FHL2: variants seen among roughly 807,000 people sequenced by gnomAD.
FHL2 encodes four and a half LIM domains protein 2.
In FHL2, 20 loss-of-function variants were observed where a neutral mutation model predicts 32.7. The ratio of observed to expected loss-of-function variants is 0.61; its 90% CI spans 0.43 to 0.89. The LOEUF (loss-of-function observed/expected upper bound fraction) is 0.89, where lower values mean the gene tolerates loss of function less well. Among genes scored for constraint, FHL2 ranks in the 40% least tolerant of loss-of-function variants. FHL2 has a pLI of 0.00. For synonymous variants in FHL2, 123 were observed against 128.1 expected (o/e 0.96, Z 0.27); for missense variants, 311 against 358.6 (o/e 0.87, Z 1.07).
chr2:105,362,834 TACCCTC>T (rs2104483871), intron 6 of FHL2, among the ~76,000 whole-genome samples: 1 of 152,362 alleles, frequency 6.6e-6, no homozygotes, highest in Non-Finnish European at 1.5e-5. Flanking sequence ...CCTTAGAATG[TACCCTC>T]TGCCCTCATA....
chr2:105,371,150 G>A (rs1681033808), intron 4 of FHL2, among the ~76,000 whole-genome samples: 1 of 152,114 alleles, frequency 6.6e-6, no homozygotes, highest in Non-Finnish European at 1.5e-5. Flanking sequence ...AAGGTGTGAT[G>A]GTTAATTTTA....
At chr2:105,402,181 ATGTATATATG>A (rs1251054935), upstream of FHL2, among the ~76,000 whole-genome samples, 4 of 146,856 alleles carry the variant, frequency 2.7e-5, no homozygotes, top group Non-Finnish European at 4.4e-5. Flanking sequence ...ATGTATCTGT[ATGTATATATG>A]TATATATATG....
intron 1 of FHL2, among the ~76,000 whole-genome samples, chr2:105,409,309 A>G (rs1003219543): frequency 6.6e-6 from 1 of 152,180 alleles, no homozygotes; most frequent in Non-Finnish European, 1.5e-5. Flanking sequence ...CGCTGGGTGT[A>G]ATTCACCTGC....
At chr2:105,360,241 G>C (rs1177613701), downstream of FHL2, 2 of 148,032 alleles carry the variant, frequency 1.4e-5, no homozygotes, top group Non-Finnish European at 3.0e-5. Context: ...AGTGGAGGTT[G>C]CAGTGAGCTG....
intron 1 of FHL2, among the ~76,000 whole-genome samples, chr2:105,435,748 G>A (rs1490781788): frequency 2.0e-5 from 3 of 152,188 alleles, no homozygotes; most frequent in Non-Finnish European, 2.9e-5. Flanking sequence ...CTTGAACCCA[G>A]GAGGTGGAGG....
intron 1 of FHL2, among the ~76,000 whole-genome samples, chr2:105,421,380 G>C (rs1294186109): frequency 6.8e-6 from 1 of 147,652 alleles, no homozygotes; most frequent in Admixed American, 6.7e-5. Context: ...ATGCTGGGTG[G>C]AGTATTCACA....
chr2:105,426,216 A>G (rs961090512), intron 1 of FHL2, among the ~76,000 whole-genome samples: 2 of 152,216 alleles, frequency 1.3e-5, no homozygotes. Flanking sequence ...CTCTGCTGCC[A>G]TAAGGAAGTG....
chr2:105,384,227 A>G (rs953011195), intron 3 of FHL2, among the ~76,000 whole-genome samples: 1 of 152,174 alleles, frequency 6.6e-6, no homozygotes, highest in African/African-American at 2.4e-5. Flanking sequence ...TTTTCCAGCT[A>G]AAGCTTTTAT....
chr2:105,421,444 C>T (rs923286389), intron 1 of FHL2, among the ~76,000 whole-genome samples: 8 of 152,190 alleles, frequency 5.3e-5, no homozygotes, highest in African/African-American at 1.9e-4. Flanking sequence ...CTCAACTCTC[C>T]TGATCAAAAA....
chr2:105,413,436 A>G (rs1005495557), intron 1 of FHL2, among the ~76,000 whole-genome samples: 2 of 152,182 alleles, frequency 1.3e-5, no homozygotes, highest in Non-Finnish European at 2.9e-5. Context: ...AACAAAGCTA[A>G]GCACTACTTA....
chr2:105,384,080 G>A (rs1682114112), intron 3 of FHL2, among the ~76,000 whole-genome samples: 1 of 152,188 alleles, frequency 6.6e-6, no homozygotes, highest in African/African-American at 2.4e-5. Context: ...TGGAGAAACA[G>A]CAAGTGATTT....
upstream of FHL2, chr2:105,399,653 C>T (rs1683390938): frequency 2.0e-6 from 3 of 1,485,270 alleles, no homozygotes; most frequent in Non-Finnish European, 2.7e-6. Flanking sequence ...CCCTCCAGGG[C>T]GGGAAAACCA....
chr2:105,365,031 C>T (rs1369220173), intron 5 of FHL2, among the ~76,000 whole-genome samples: 1 of 152,184 alleles, frequency 6.6e-6, no homozygotes, highest in Non-Finnish European at 1.5e-5. Flanking sequence ...GTGTGTAAGA[C>T]ATCTCTGCCT....
chr2:105,398,932 G>T lies in FHL2; in HGVS notation c.-166C>A, dbSNP rs775482193. The T allele has an allele frequency of 1.6e-5, 25 of 1,537,020 alleles. No individual in the cohort carries two copies. Among genetic ancestry groups the T allele is most frequent in the Admixed American group, 1.4e-4 (7 of 49,202 alleles). On this transcript the variant is annotated 5_prime_UTR_variant, in exon 1 of 7. Transcript: ENST00000530340. ...CCGAGCCCTGGTGGCTAAGCCCCTC[G>T]GCCTCCCTCCGGGGCGCAGGGGGTT...
At chr2:105,433,331 C>T (rs932121376) in intron 1 of FHL2, among the ~76,000 whole-genome samples, 2 of 152,044 alleles carry the variant, frequency 1.3e-5, no homozygotes, top group African/African-American at 4.8e-5. Flanking sequence ...CAGGCACGCT[C>T]CACCATGCCC....
At chr2:105,364,927 A>G (rs1162272987) in intron 5 of FHL2, among the ~76,000 whole-genome samples, 1 of 152,200 alleles carries the variant, frequency 6.6e-6, no homozygotes, top group Non-Finnish European at 1.5e-5. Context: ...ACCATAAATC[A>G]TGAAGCATCT....
chr2:105,402,638 A>G (rs189978769), upstream of FHL2, among the ~76,000 whole-genome samples: 8 of 152,356 alleles, frequency 5.3e-5, no homozygotes, highest in East Asian at 7.7e-4. Context: ...AGTAAGTCAA[A>G]GGAGGATGGC....
chr2:105,410,878 A>G (rs1057176680), intron 1 of FHL2, among the ~76,000 whole-genome samples: 14 of 152,242 alleles, frequency 9.2e-5, no homozygotes, highest in African/African-American at 3.1e-4. Context: ...AGCTGCCAAC[A>G]TTCGAAAATG....
intron 1 of FHL2, among the ~76,000 whole-genome samples, chr2:105,432,148 A>C (rs1353721845): frequency 1.3e-5 from 2 of 152,202 alleles, no homozygotes; most frequent in Non-Finnish European, 2.9e-5. Flanking sequence ...GTTTGTAGAC[A>C]TGAAATTGTG....
Sources: allele counts gnomAD v4.1 joint callset (sites outside exome capture counted in the v4.1 genomes callset), GRCh38; gene constraint gnomAD v4.1.1; transcripts MANE v1.5; gene names NCBI Gene and HGNC (gene_info 2026-07-23, HGNC 2026-07-21).